The following MYOF variants were observed in gnomAD, a reference collection of about 807,000 sequenced individuals.
MYOF encodes the protein fer-1-like 3, myoferlin.
Under a neutral mutation model 284.2 loss-of-function variants are expected in MYOF, and 244 were observed. That is an observed-to-expected ratio of 0.86 (90% CI 0.77 to 0.95). The LOEUF is 0.95. MYOF is among the 40% of genes least tolerant of loss of function. The pLI is 0.00. For synonymous variants in MYOF, 904 were observed against 919.7 expected (o/e 0.98, Z 0.31); for missense variants, 2,496 against 2,560.6 (o/e 0.97, Z 0.54).
At chr10:93,406,530 C>T (rs970291092) in intron 7 of MYOF, among the ~76,000 whole-genome samples, 4 of 133,504 alleles carry the variant, frequency 3.0e-5, no homozygotes, top group East Asian at 2.4e-4. Flanking sequence ...AGGGTTTACG[C>T]GTTAGGCCCA....
chr10:93,404,304 C>T, intron 7 of MYOF, 85 bp from the exon 8 acceptor site: 1 of 1,391,452 alleles, frequency 7.2e-7, no homozygotes, highest in Non-Finnish European at 1.0e-6. Context: ...GGGGGCCCTC[C>T]TAAAAAATGC....
intron 1 of MYOF, among the ~76,000 whole-genome samples, chr10:93,474,174 C>T (rs2057209842): frequency 6.6e-6 from 1 of 152,086 alleles, no homozygotes; most frequent in Non-Finnish European, 1.5e-5. Context: ...GATTCCAGTC[C>T]TGGGATGAGC....
rs200526001 is a variant in MYOF at position 93,313,145 on chromosome 10, C to T, written c.5764G>A (p.Asp1922Asn). The change falls in exon 51 of 54, where the codon GAC (aspartate) becomes AAC (asparagine). Residue 1922 changes from aspartate to asparagine, a missense_variant. Coordinates refer to ENST00000359263, the MANE Select transcript of MYOF (RefSeq NM_013451.4). ...PAKSPEKCRL[D>N]MIPDLKAMNP... ...ATGGCTTTGAGGTCCGGAATCATGT[C>T]CAATCTGCATTTCTCTGGTGATTTT... The T allele has an allele frequency of 1.9e-6, 3 of 1,614,078 alleles. No individual in the cohort carries two copies.
At chr10:93,400,320 C>T (rs1235366286) in intron 12 of MYOF, among the ~76,000 whole-genome samples, 2 of 90,278 alleles carry the variant, frequency 2.2e-5, no homozygotes, top group South Asian at 3.2e-4. Context: ...CTTTCTTCTT[C>T]TTCTTCTTCT....
Position 93,350,099 on chromosome 10 carries a change from T to C in MYOF, c.3922-130A>G, listed in dbSNP as rs1844436117. ...TTTGAACATTATCCTAGTAAGCTTG[T>C]AGGTCATCCAAAGAAAGTGGTTTTG... On this transcript the variant is annotated intron_variant, in intron 35 of 53. Transcript: ENST00000359263. 2.1e-6 allele frequency: 2 copies of C among 932,534 alleles called. 1 individual carries two copies. The highest frequency in any genetic ancestry group is 3.8e-5 in the South Asian group (2 of 53,122). The allele number at this position is 932,534 out of a possible 1,614,324, so 57.8% of individuals were successfully genotyped here.
chr10:93,474,159 C>A (rs1438617459), intron 1 of MYOF, among the ~76,000 whole-genome samples: 2 of 152,134 alleles, frequency 1.3e-5, no homozygotes, highest in African/African-American at 2.4e-5. Flanking sequence ...TAGTGCCTTC[C>A]TTCTGATTCC....
intron 24 of MYOF, among the ~76,000 whole-genome samples, chr10:93,370,956 G>A (rs559018610): frequency 4.6e-5 from 7 of 152,032 alleles, no homozygotes; most frequent in Admixed American, 1.3e-4. Context: ...CAGCTTTCAC[G>A]TAAAATAATA....
chr10:93,355,802 C>A, intron 30 of MYOF, 66 bp from the exon 31 acceptor site: 1 of 1,155,902 alleles, frequency 8.7e-7, no homozygotes, highest in Non-Finnish European at 1.3e-6. Flanking sequence ...GCAAATCAAC[C>A]AACCAAGAGG....
chr10:93,459,245 C>T lies in MYOF; in HGVS notation c.89-2308G>A, dbSNP rs75200740. 7.2e-4 allele frequency among the ~76,000 whole-genome samples: 110 copies of T among 152,296 alleles called. 1 individual carries two copies. In the East Asian group the frequency reaches 0.02, roughly 28 times the overall value. On this transcript the variant is annotated intron_variant, in intron 1 of 53. Coordinates refer to ENST00000359263, the MANE Select transcript of MYOF (RefSeq NM_013451.4). Reference sequence around the variant, plus strand: ...CTTCCCTCTCCTCATCTAACAGAAACTCCCAATCCTCCTCTCTGGTTACAG... The same window carrying T: ...CTTCCCTCTCCTCATCTAACAGAAATTCCCAATCCTCCTCTCTGGTTACAG...
rs746187563 is a variant in MYOF, at chr10:93,325,817, G to GC, written c.5271+8dup. ...GATAATGGTCTTCAAGGGAGGGAAG[G>GC]CCCTTTACCTGGGAAATGTTGGGCT... On this transcript the variant is annotated intron_variant, in intron 46 of 53. Transcript: ENST00000359263. 6.2e-7 allele frequency: 1 copy of GC among 1,609,300 alleles called. No individual in the cohort carries two copies. Among genetic ancestry groups the GC allele is most frequent in the Non-Finnish European group, 8.5e-7 (1 of 1,178,222 alleles).
intron 3 of MYOF, among the ~76,000 whole-genome samples, chr10:93,437,047 G>T (rs1028927647): frequency 6.6e-6 from 1 of 152,172 alleles, no homozygotes; most frequent in Non-Finnish European, 1.5e-5. Context: ...AACTGCAGAT[G>T]TCTTCAAAGT....
At chr10:93,480,205 G>A (rs4147164) in intron 1 of MYOF, among the ~76,000 whole-genome samples, 145,003 of 152,216 alleles carry the variant, frequency 0.95, 69,468 homozygotes, top group East Asian at 1. Flanking sequence ...CTGACATAAC[G>A]TGAGTCCATG....
chr10:93,415,631 C>G (rs78133882), intron 5 of MYOF, among the ~76,000 whole-genome samples: 139 of 152,310 alleles, frequency 9.1e-4, no homozygotes, highest in African/African-American at 3.2e-3. Flanking sequence ...ATCTTTCCAA[C>G]TCCAAATCAA....
chr10:93,377,502 A>G (rs551710226), intron 21 of MYOF, 73 bp from the exon 22 acceptor site: 2 of 1,058,012 alleles, frequency 1.9e-6, no homozygotes, highest in South Asian at 1.4e-5. Context: ...ATATAGTTTA[A>G]CCTGTGAAAT....
chr10:93,316,278 G>A (rs905090544), intron 50 of MYOF, among the ~76,000 whole-genome samples: 1 of 152,022 alleles, frequency 6.6e-6, no homozygotes, highest in Non-Finnish European at 1.5e-5. Flanking sequence ...GGCTAAGGGT[G>A]CATTGAACTA....
chr10:93,321,412 CTTT>C lies in MYOF; in HGVS notation c.5457-1402_5457-1400del, dbSNP rs35765868. Among the ~76,000 whole-genome samples, 337 of 121,140 alleles carry C rather than the reference CTTT, an allele frequency of 2.8e-3. 4 individuals are homozygous for C. Among genetic ancestry groups the C allele is most frequent in the African/African-American group, 8.9e-3 (304 of 34,196 alleles). The allele number at this position is 121,140 out of a possible 152,430, so 79.5% of individuals were successfully genotyped here. On this transcript the variant is annotated intron_variant, in intron 48 of 53. Coordinates refer to ENST00000359263, the MANE Select transcript of MYOF (RefSeq NM_013451.4). ...TGAAAGATTCCTTTTGACTATTAAC[CTTT>C]TTTTTTTTTTTTTTTTTTTTACAAG...
At chr10:93,330,457 G>C (rs1843248010) in intron 43 of MYOF, among the ~76,000 whole-genome samples, 1 of 152,174 alleles carries the variant, frequency 6.6e-6, no homozygotes, top group Non-Finnish European at 1.5e-5. Flanking sequence ...CAGAAGCACA[G>C]GGGAGGGGAG....
At chr10:93,427,011 C>T (rs113538230) in intron 4 of MYOF, among the ~76,000 whole-genome samples, 19,672 of 149,958 alleles carry the variant, frequency 0.13, 1,402 homozygotes, top group Middle Eastern at 0.2. Flanking sequence ...CTCAGCCTCC[C>T]GAATGGCTGG....
Position 93,426,059 on chromosome 10 carries a change from G to T in MYOF, c.433+12C>A. Reference sequence around the variant, plus strand: ...CCTGGGGGTGGCTGGGCCTTCAGAAGGGTCAGCTTACCTCCCATGCCTGGC... The same window carrying T: ...CCTGGGGGTGGCTGGGCCTTCAGAATGGTCAGCTTACCTCCCATGCCTGGC... On this transcript the variant is annotated intron_variant, in intron 5 of 53. Coordinates refer to ENST00000359263, the MANE Select transcript of MYOF (RefSeq NM_013451.4). 1 of 1,551,724 alleles carries T rather than the reference G, an allele frequency of 6.4e-7. No homozygotes were observed. Among genetic ancestry groups the T allele is most frequent in the South Asian group, 1.2e-5 (1 of 84,066 alleles).
Sources: gnomAD v4.1 joint callset for allele counts (sites outside exome capture counted in the v4.1 genomes callset) on GRCh38, gnomAD v4.1.1 for gene constraint, MANE v1.5 for transcripts, NCBI Gene and HGNC (gene_info 2026-07-23, HGNC 2026-07-21) for gene names.